The following AFF4 variants were observed in gnomAD, a reference collection of about 807,000 sequenced individuals.
AFF4 encodes AF4/FMR2 family member 4.
AFF4 carries 13 observed loss-of-function variants against 124.8 expected under a neutral mutation model. The ratio of observed to expected loss-of-function variants is 0.10; its 90% confidence interval spans 0.07 to 0.17. The LOEUF (loss-of-function observed/expected upper bound fraction) is 0.17. Among genes scored for constraint, AFF4 ranks in the 10% least tolerant of loss-of-function variants. The pLI is 1.00. For missense variants in AFF4, 1,092 were observed against 1,403.8 expected (o/e 0.78, Z 3.55); for synonymous variants, 477 against 496.1 (o/e 0.96, Z 0.51).
intron 18 of AFF4, among the ~76,000 whole-genome samples, chr5:132,885,466 GGGGT>G (rs528503753): frequency 5.1e-5 from 6 of 117,492 alleles, no homozygotes; most frequent in East Asian, 2.8e-4. Flanking sequence ...TCTTAAAAAA[GGGGT>G]GGGTGGGTGG....
chr5:132,881,726 G>A (rs1035157304), intron 20 of AFF4, among the ~76,000 whole-genome samples: 11 of 151,818 alleles, frequency 7.2e-5, no homozygotes, highest in African/African-American at 1.4e-4. Context: ...TCTCCCTGTC[G>A]CCCAGGCTGG....
intron 5 of AFF4, chr5:132,926,166 G>A: frequency 2.5e-6 from 1 of 402,556 alleles, no homozygotes; most frequent in Non-Finnish European, 4.9e-6. Context: ...ATGCTTACAT[G>A]TAATGATTAT....
chr5:132,908,832 G>A (rs1760729510), intron 5 of AFF4, among the ~76,000 whole-genome samples: 1 of 146,514 alleles, frequency 6.8e-6, no homozygotes, highest in Non-Finnish European at 1.5e-5. Context: ...GTGCAGTGGT[G>A]TGATTTCGGC....
chr5:132,918,171 C>A (rs569578006), intron 5 of AFF4, among the ~76,000 whole-genome samples: 35 of 140,410 alleles, frequency 2.5e-4, no homozygotes, highest in African/African-American at 8.8e-4. Flanking sequence ...GGTGGGCAGA[C>A]CACTTGAGGC....
rs923301139 is a variant in AFF4, at chr5:132,880,406, T to C, written c.*653A>G. On this transcript the variant is annotated 3_prime_UTR_variant, in exon 21 of 21. Coordinates refer to ENST00000265343, the MANE Select transcript of AFF4 (RefSeq NM_014423.4). ...TGCATACCAAATCAGACACATTTCA[T>C]AGTACATACATGTAGAATGCCATTT... 9 of 398,676 alleles carry C rather than the reference T, an allele frequency of 2.3e-5. No homozygotes were observed. The highest frequency in any genetic ancestry group is 4.0e-5 in the Non-Finnish European group (9 of 225,922). The allele number at this position is 398,676 out of a possible 1,614,324, so 24.7% of individuals were successfully genotyped here.
chr5:132,921,917 A>C (rs968992823), intron 5 of AFF4, among the ~76,000 whole-genome samples: 1 of 151,894 alleles, frequency 6.6e-6, no homozygotes, highest in African/African-American at 2.4e-5. Context: ...AGTGGCTGAG[A>C]CTACAGGCCT....
At chr5:132,899,515 C>A in intron 8 of AFF4, 72 bp downstream of exon 8, 1 of 1,312,458 alleles carries the variant, frequency 7.6e-7, no homozygotes, top group Non-Finnish European at 1.0e-6. Flanking sequence ...ATGCATTATT[C>A]AATTATCATT....
At chr5:132,945,805 A>G (rs977450579) in intron 1 of AFF4, among the ~76,000 whole-genome samples, 1 of 152,008 alleles carries the variant, frequency 6.6e-6, no homozygotes, top group African/African-American at 2.4e-5. Flanking sequence ...TCGCGCCTGT[A>G]ATCCTAGCAC....
chr5:132,891,867 G>C (rs1196620403), intron 13 of AFF4: 2 of 480,654 alleles, frequency 4.2e-6, no homozygotes, highest in Non-Finnish European at 7.3e-6. Flanking sequence ...GCCCAGGCTG[G>C]ACTCAAATTC....
intron 14 of AFF4, among the ~76,000 whole-genome samples, chr5:132,888,543 T>C (rs1581270786): frequency 6.6e-6 from 1 of 152,158 alleles, no homozygotes; most frequent in Non-Finnish European, 1.5e-5. Context: ...TCAGCAGTAG[T>C]AAGATTCTTC....
chr5:132,904,284 T>TAA, intron 6 of AFF4, 84 bp downstream of exon 6: 1 of 1,188,754 alleles, frequency 8.4e-7, no homozygotes, highest in Non-Finnish European at 1.2e-6. Flanking sequence ...AAGGTATTAC[T>TAA]AAAGTTATAT....
chr5:132,881,393 G>C (rs1003700670), intron 20 of AFF4, among the ~76,000 whole-genome samples: 1 of 152,154 alleles, frequency 6.6e-6, no homozygotes, highest in Non-Finnish European at 1.5e-5. Context: ...ATTTTAAACA[G>C]AATGTATGGT....
chr5:132,898,130 C>A, intron 10 of AFF4, 100 bp downstream of exon 10: 1 of 1,422,858 alleles, frequency 7.0e-7, no homozygotes, highest in African/African-American at 1.4e-5. Flanking sequence ...ACTATGGAAC[C>A]TTCTTTCCTT....
intron 1 of AFF4, among the ~76,000 whole-genome samples, chr5:132,955,777 C>CAAAAAAAAA (rs1214913729): frequency 1.4e-5 from 1 of 71,284 alleles, no homozygotes; most frequent in African/African-American, 5.6e-5. Flanking sequence ...GATTCCATCT[C>CAAAAAAAAA]AAAAAAAAAA....
At chr5:132,942,503 T>C (rs1313002884) in intron 1 of AFF4, among the ~76,000 whole-genome samples, 1 of 151,172 alleles carries the variant, frequency 6.6e-6, no homozygotes, top group African/African-American at 2.4e-5. Flanking sequence ...TCGCTCTTGT[T>C]GCCCAGGCTG....
chr5:132,892,000 T>C (rs1760270545), intron 13 of AFF4, 164 bp downstream of exon 13: 2 of 1,099,348 alleles, frequency 1.8e-6, no homozygotes, highest in Non-Finnish European at 2.6e-6. Context: ...CACAGTCTTA[T>C]ATCACTGTAT....
At chr5:132,887,742 T>C in intron 16 of AFF4, 104 bp downstream of exon 16, 2 of 1,525,734 alleles carry the variant, frequency 1.3e-6, no homozygotes, top group Non-Finnish European at 1.8e-6. Flanking sequence ...CCAAGGACAT[T>C]AAAGGATTAT....
At chr5:132,909,290 G>A (rs1406219657) in intron 5 of AFF4, among the ~76,000 whole-genome samples, 3 of 150,684 alleles carry the variant, frequency 2.0e-5, no homozygotes, top group Admixed American at 6.6e-5. Flanking sequence ...GATTATAGGC[G>A]CATGCCACCA....
intron 5 of AFF4, among the ~76,000 whole-genome samples, chr5:132,911,212 T>G (rs1401371802): frequency 6.6e-6 from 1 of 152,152 alleles, no homozygotes; most frequent in Non-Finnish European, 1.5e-5. Flanking sequence ...CACCATACAG[T>G]TCTTGGTATC....
Sources: allele counts gnomAD v4.1 joint callset (sites outside exome capture counted in the v4.1 genomes callset), GRCh38; gene constraint gnomAD v4.1.1; transcripts MANE v1.5; gene names NCBI Gene and HGNC (gene_info 2026-07-23, HGNC 2026-07-21).